Variants in SV2C observed in about 807,000 individuals in gnomAD.
The protein encoded by SV2C is solute carrier family 22 member B3.
Under a neutral mutation model 79.7 loss-of-function variants are expected in SV2C, and 49 were observed. The ratio of observed to expected loss-of-function variants is 0.61; its 90% CI spans 0.49 to 0.78. The LOEUF (loss-of-function observed/expected upper bound fraction) is 0.78. Among genes scored for constraint, SV2C ranks in the 30% least tolerant of loss-of-function variants. The pLI is 0.00. For missense variants in SV2C, 833 were observed against 912.9 expected (o/e 0.91, Z 1.13); for synonymous variants, 334 against 333.2 (o/e 1.00, Z -0.03).
chr5:75,886,155 C>T, the SV2C span, among the ~76,000 whole-genome samples: 7 of 152,152 alleles, frequency 4.6e-5, no homozygotes, highest in Non-Finnish European at 1.0e-4. Context: ...AGATGAGACT[C>T]TACTGAGAGC....
At chr5:76,204,914 C>T (rs1744564258) in intron 3 of SV2C, among the ~76,000 whole-genome samples, 1 of 152,184 alleles carries the variant, frequency 6.6e-6, no homozygotes. Flanking sequence ...TTTGTGCATA[C>T]AGGAAGACTT....
rs371141052 is a variant in SV2C, at chr5:76,325,409, C to T, written c.2046C>T (p.Ala682=). 11 of 1,614,062 alleles carry T rather than the reference C, an allele frequency of 6.8e-6. No homozygotes were observed. Among genetic ancestry groups the T allele is most frequent in the Non-Finnish European group, 8.5e-6 (10 of 1,180,038 alleles). ...TAAATGCGCTATGCAAGGCAGCAGCCGTCCTGGGAAACTTAATATTTGGCT... is the reference window on the plus strand; with the variant it reads ...TAAATGCGCTATGCAAGGCAGCAGCTGTCCTGGGAAACTTAATATTTGGCT... ...GFLNALCKAA[A]VLGNLIFGSL... The change falls in exon 13 of 13, where the codon GCC becomes GCT. Residue 682 remains alanine (A), a synonymous_variant. Transcript: ENST00000502798.
At chr5:76,016,413 TG>T in the SV2C span, among the ~76,000 whole-genome samples, 1 of 152,014 alleles carries the variant, frequency 6.6e-6, no homozygotes, top group Admixed American at 6.6e-5. Context: ...CCAAACCACA[TG>T]GAATGAGGAT....
At chr5:76,302,889 G>T (rs1453506482) in intron 12 of SV2C, among the ~76,000 whole-genome samples, 1 of 152,154 alleles carries the variant, frequency 6.6e-6, no homozygotes, top group East Asian at 1.9e-4. Context: ...AAATGTAGGA[G>T]AGTTTTTTCC....
chr5:76,296,849 C>T (rs1299530863), intron 9 of SV2C, among the ~76,000 whole-genome samples: 5 of 152,130 alleles, frequency 3.3e-5, no homozygotes, highest in South Asian at 2.1e-4. Context: ...AGGAACTAAT[C>T]ATCATCCAAG....
the SV2C span, among the ~76,000 whole-genome samples, chr5:75,879,291 C>T: frequency 6.6e-6 from 1 of 152,212 alleles, no homozygotes; most frequent in Non-Finnish European, 1.5e-5. Flanking sequence ...AAAGTCTCAA[C>T]TCATTCCAAC....
At chr5:75,957,654 T>C in the SV2C span, among the ~76,000 whole-genome samples, 1 of 152,182 alleles carries the variant, frequency 6.6e-6, no homozygotes, top group East Asian at 1.9e-4. Context: ...ATCATTGACA[T>C]CATGTTAATT....
At chr5:76,051,581 A>C in the SV2C span, among the ~76,000 whole-genome samples, 2 of 152,244 alleles carry the variant, frequency 1.3e-5, no homozygotes, top group African/African-American at 4.8e-5. Context: ...ATAATTTGCA[A>C]TATAACAGAA....
chr5:75,990,712 A>G, the SV2C span, among the ~76,000 whole-genome samples: 1 of 152,088 alleles, frequency 6.6e-6, no homozygotes, highest in African/African-American at 2.4e-5. Flanking sequence ...GTAAATGACG[A>G]GTTAATGGGT....
At chr5:75,889,718 T>C in the SV2C span, among the ~76,000 whole-genome samples, 4 of 152,138 alleles carry the variant, frequency 2.6e-5, no homozygotes. Flanking sequence ...ATTCACCTCA[T>C]AAAACCCTGG....
chr5:75,906,356 C>A, the SV2C span, among the ~76,000 whole-genome samples: 1 of 151,890 alleles, frequency 6.6e-6, no homozygotes, highest in Non-Finnish European at 1.5e-5. Flanking sequence ...GTGTCCCACA[C>A]TGTGCTAAAA....
At chr5:75,937,879 CT>C in the SV2C span, among the ~76,000 whole-genome samples, 5 of 149,936 alleles carry the variant, frequency 3.3e-5, no homozygotes, top group Admixed American at 6.6e-5. Context: ...AGCATTATCT[CT>C]TTTTTTTTGC....
downstream of SV2C, among the ~76,000 whole-genome samples, chr5:76,338,667 T>C (rs1341183186): frequency 6.7e-6 from 1 of 150,166 alleles, no homozygotes; most frequent in Non-Finnish European, 1.5e-5. Context: ...TTCTTTTTTT[T>C]TTTTTTTTGA....
intron 9 of SV2C, among the ~76,000 whole-genome samples, chr5:76,296,959 G>A (rs1747792202): frequency 1.3e-5 from 2 of 151,666 alleles, no homozygotes; most frequent in South Asian, 4.2e-4. Flanking sequence ...GTGATGCCAG[G>A]GTGAAAACTG....
chr5:76,344,372 G>A (rs1467289102), intron 12 of SV2C, among the ~76,000 whole-genome samples: 1 of 152,144 alleles, frequency 6.6e-6, no homozygotes, highest in Non-Finnish European at 1.5e-5. Flanking sequence ...CTCCATCTAC[G>A]AGACTTGGTG....
intron 2 of SV2C, among the ~76,000 whole-genome samples, chr5:76,178,018 A>G (rs1224208400): frequency 6.6e-6 from 1 of 152,194 alleles, no homozygotes; most frequent in Non-Finnish European, 1.5e-5. Context: ...TACATTTTTC[A>G]TAAGTCTGTT....
At chr5:75,966,193 T>A in the SV2C span, among the ~76,000 whole-genome samples, 2 of 152,218 alleles carry the variant, frequency 1.3e-5, no homozygotes, top group African/African-American at 4.8e-5. Flanking sequence ...TTTTATATGA[T>A]CCAATTTTAA....
At chr5:75,882,009 T>G in the SV2C span, among the ~76,000 whole-genome samples, 1,725 of 149,218 alleles carry the variant, frequency 0.012, 34 homozygotes, top group African/African-American at 0.041. Flanking sequence ...TAGCATGAAG[T>G]GTTGTTGAAT....
intron 2 of SV2C, among the ~76,000 whole-genome samples, chr5:76,180,714 A>T (rs1743693095): frequency 6.6e-6 from 1 of 152,014 alleles, no homozygotes. Context: ...CAACCTTGCC[A>T]GTGACCTCTT....
Sources: allele counts gnomAD v4.1 joint callset (sites outside exome capture counted in the v4.1 genomes callset), GRCh38; gene constraint gnomAD v4.1.1; transcripts MANE v1.5; gene names NCBI Gene and HGNC (gene_info 2026-07-23, HGNC 2026-07-21).